Variants in CSMD3 observed in about 807,000 individuals in gnomAD.
CSMD3 encodes CUB and Sushi multiple domains 3, also known as CUB and sushi domain-containing protein 3.
A neutral mutation model predicts 435.2 loss-of-function variants in CSMD3; 177 were observed. The observed-to-expected ratio is 0.41, with a 90% CI of 0.36 to 0.46. The LOEUF (loss-of-function observed/expected upper bound fraction) is 0.46, where lower values mean the gene tolerates loss of function less well. CSMD3 is among the 20% of genes least tolerant of loss of function. The pLI is 0.34. For synonymous variants in CSMD3, 1,656 were observed against 1,520.5 expected (o/e 1.09, Z -2.07); for missense variants, 4,265 against 4,504.6 (o/e 0.95, Z 1.52).
At chr8:112,451,413 T>TA (rs1284756078) in intron 32 of CSMD3, among the ~76,000 whole-genome samples, 1 of 152,172 alleles carries the variant, frequency 6.6e-6, no homozygotes, top group African/African-American at 2.4e-5. Context: ...TTGAAGGTTT[T>TA]AAAATGCATT....
At chr8:113,267,340 T>A (rs1228582588) in intron 3 of CSMD3, among the ~76,000 whole-genome samples, 2 of 151,528 alleles carry the variant, frequency 1.3e-5, no homozygotes, top group African/African-American at 4.8e-5. Flanking sequence ...AGCAAATATA[T>A]GGAATTAACC....
intron 11 of CSMD3, among the ~76,000 whole-genome samples, chr8:112,836,197 A>G (rs957210802): frequency 6.6e-6 from 1 of 151,902 alleles, no homozygotes; most frequent in Non-Finnish European, 1.5e-5. Flanking sequence ...GTAGATAGAA[A>G]GTATGTTTTA....
At chr8:112,270,985 T>A (rs16883350) in intron 59 of CSMD3, among the ~76,000 whole-genome samples, 64,577 of 151,918 alleles carry the variant, frequency 0.43, 14,386 homozygotes, top group Middle Eastern at 0.53. Context: ...ATTCTTTCAT[T>A]CTCAAATCAC....
chr8:112,663,698 T>C (rs2075446537), intron 17 of CSMD3, among the ~76,000 whole-genome samples: 1 of 152,084 alleles, frequency 6.6e-6, no homozygotes. Context: ...AAGCAATTAT[T>C]CCTGTGATGA....
At chr8:112,782,156 CT>C (rs2132249002) in intron 13 of CSMD3, among the ~76,000 whole-genome samples, 1 of 152,166 alleles carries the variant, frequency 6.6e-6, no homozygotes, top group South Asian at 2.1e-4. Flanking sequence ...TTCAAAATAG[CT>C]GTTTTAGGAA....
At chr8:113,291,313 G>A (rs1030549137) in intron 2 of CSMD3, among the ~76,000 whole-genome samples, 5 of 151,754 alleles carry the variant, frequency 3.3e-5, no homozygotes, top group African/African-American at 1.2e-4. Context: ...TTAAAACAGA[G>A]TGATTAGATT....
At chr8:112,631,698 A>G (rs575559974) in intron 22 of CSMD3, among the ~76,000 whole-genome samples, 1 of 152,120 alleles carries the variant, frequency 6.6e-6, no homozygotes, top group Admixed American at 6.6e-5. Context: ...AAGCTTTTAT[A>G]TTGTTAAGCC....
At chr8:112,339,295 T>G (rs1014101446) in intron 42 of CSMD3, among the ~76,000 whole-genome samples, 2 of 151,926 alleles carry the variant, frequency 1.3e-5, no homozygotes, top group African/African-American at 4.8e-5. Context: ...CACAGGAGTG[T>G]GATCTTTGTA....
intron 13 of CSMD3, among the ~76,000 whole-genome samples, chr8:112,791,831 A>C (rs944905736): frequency 1.3e-5 from 2 of 152,148 alleles, no homozygotes; most frequent in Non-Finnish European, 2.9e-5. Context: ...TACCATTTTT[A>C]TCTTCCTTCT....
At chr8:112,541,826 C>T (rs1586642051) in intron 27 of CSMD3, among the ~76,000 whole-genome samples, 1 of 151,540 alleles carries the variant, frequency 6.6e-6, no homozygotes, top group Admixed American at 6.6e-5. Flanking sequence ...AAAAATACAT[C>T]ACAAGAAAAA....
At position 113,062,571 on chromosome 8, in the gene CSMD3, A is replaced by G. The variant is rs866792200; in HGVS notation, c.917+36185T>C. 1.3e-3 allele frequency among the ~76,000 whole-genome samples: 194 copies of G among 151,994 alleles called. 1 individual carries two copies. Among genetic ancestry groups the G allele is most frequent in the African/African-American group, 4.5e-3 (186 of 41,548 alleles). On this transcript the variant is annotated intron_variant, in intron 5 of 70. Coordinates refer to ENST00000297405, the MANE Select transcript of CSMD3 (RefSeq NM_198123.2). ...ATGTGTAATGAAGCAGTAGGTATTA[A>G]AAAGCAGTTGAATAGGCCTATTACT...
chr8:112,358,386 G>A (rs1826847130), intron 38 of CSMD3, among the ~76,000 whole-genome samples: 1 of 152,090 alleles, frequency 6.6e-6, no homozygotes, highest in Non-Finnish European at 1.5e-5. Flanking sequence ...GGGACTGTTG[G>A]GAAGGCATGA....
At chr8:112,342,006 T>G (rs1825164119) in intron 41 of CSMD3, among the ~76,000 whole-genome samples, 1 of 152,250 alleles carries the variant, frequency 6.6e-6, no homozygotes, top group African/African-American at 2.4e-5. Context: ...TTACATAAAC[T>G]AATTTTTAGA....
chr8:112,945,588 ATGTGTGTGTGTG>A (rs10574750), intron 9 of CSMD3, among the ~76,000 whole-genome samples: 2,872 of 140,684 alleles, frequency 0.02, 43 homozygotes, highest in Non-Finnish European at 0.03. Context: ...ATACAGAAAT[ATGTGTGTGTGTG>A]TGTGTGTGTG....
At chr8:113,223,778 G>T (rs1037266296) in intron 3 of CSMD3, among the ~76,000 whole-genome samples, 2 of 150,008 alleles carry the variant, frequency 1.3e-5, no homozygotes, top group African/African-American at 4.9e-5. Flanking sequence ...GTGTGTGTGT[G>T]TGTGTCGGTA....
intron 2 of CSMD3, among the ~76,000 whole-genome samples, chr8:113,283,768 T>C (rs1054416562): frequency 6.6e-5 from 10 of 152,166 alleles, no homozygotes; most frequent in African/African-American, 1.9e-4. Flanking sequence ...TTTGAAAAGA[T>C]ACTTGTACAT....
chr8:113,288,856 G>A (rs1422284177), intron 2 of CSMD3, among the ~76,000 whole-genome samples: 1 of 151,754 alleles, frequency 6.6e-6, no homozygotes, highest in Non-Finnish European at 1.5e-5. Context: ...GTAAATACTA[G>A]GAATTATCCC....
In CSMD3 at chr8:113,436,771, G is replaced by A. The variant is rs1289404976; in HGVS notation, c.84C>T (p.Gly28=). 1.2e-6 allele frequency: 2 copies of A among 1,614,134 alleles called. No individual in the cohort carries two copies. Among genetic ancestry groups the A allele is most frequent in the South Asian group, 2.2e-5 (2 of 91,078 alleles). The change falls in exon 1 of 71, where the codon GGC becomes GGT. Residue 28 remains glycine (G), a synonymous_variant. Coordinates refer to ENST00000297405, the MANE Select transcript of CSMD3 (RefSeq NM_198123.2). ...EPGKRRCAKC[G]RLDFILMKKM... ...TCTTCATCAGGATGAAGTCTAGGCG[G>A]CCACATTTAGCGCATCTTCGCTTGC...
chr8:113,316,725 C>T (rs1357353450), intron 1 of CSMD3, among the ~76,000 whole-genome samples: 1 of 151,652 alleles, frequency 6.6e-6, no homozygotes, highest in Non-Finnish European at 1.5e-5. Flanking sequence ...AATTTTTGTA[C>T]TTTTAGTAGA....
Sources: gnomAD v4.1 joint callset for allele counts (sites outside exome capture counted in the v4.1 genomes callset) on GRCh38, gnomAD v4.1.1 for gene constraint, MANE v1.5 for transcripts, NCBI Gene and HGNC (gene_info 2026-07-23, HGNC 2026-07-21) for gene names.